The following PCDHA7 variants were observed in gnomAD, a reference collection of about 807,000 sequenced individuals.
PCDHA7 encodes protocadherin alpha-7.
In PCDHA7, 37 loss-of-function variants were observed where a neutral mutation model predicts 57.2. The observed-to-expected ratio is 0.65, with a 90% CI of 0.50 to 0.85. The LOEUF is 0.85. PCDHA7 is among the 40% of genes least tolerant of loss of function. The probability of loss-of-function intolerance (pLI) is 0.00; values close to 1 mark genes in which losing one functional copy is unlikely to be tolerated. For synonymous variants in PCDHA7, 553 were observed against 558.8 expected (o/e 0.99, Z 0.15); for missense variants, 1,188 against 1,241.8 (o/e 0.96, Z 0.65).
At chr5:140,895,829 C>T (rs2065183021) in intron 1 of PCDHA7, among the ~76,000 whole-genome samples, 1 of 151,878 alleles carries the variant, frequency 6.6e-6, no homozygotes, top group African/African-American at 2.4e-5. Context: ...GTATTTTTTT[C>T]AGACAAAGTC....
rs2150468826 is a variant in PCDHA7, at chr5:140,850,123, C to G, written c.2355+13385C>G. ...GTGAGCGCGCGCGACGCGGGCGTGCCGCCTCTGGGCAGCAACGTGACGCTG... is the reference window on the plus strand; with the variant it reads ...GTGAGCGCGCGCGACGCGGGCGTGCGGCCTCTGGGCAGCAACGTGACGCTG... On this transcript the variant is annotated intron_variant, in intron 1 of 3. Coordinates refer to ENST00000525929, the MANE Select transcript of PCDHA7 (RefSeq NM_018910.3). The G allele has an allele frequency of 1.3e-5, 21 of 1,595,804 alleles. 4 individuals carry two copies. The highest frequency in any genetic ancestry group is 2.7e-5 in the African/African-American group (2 of 74,358).
rs2150334321 is a variant in PCDHA7, at chr5:140,842,332, A to G, written c.2355+5594A>G. ...CCATGGCGGGTCATTGCACCGTTTT[A>G]GTGAGAATTTTGGATAAAAATGATA... On this transcript the variant is annotated intron_variant, in intron 1 of 3. Transcript: ENST00000525929. 1.7e-5 allele frequency: 28 copies of G among 1,607,160 alleles called. No homozygotes were observed. In the East Asian group the frequency reaches 4.0e-4, roughly 23 times the overall value.
intron 2 of PCDHA7, among the ~76,000 whole-genome samples, chr5:140,980,159 A>G (rs2153821002): frequency 6.6e-6 from 1 of 152,326 alleles, no homozygotes; most frequent in Admixed American, 6.5e-5. Context: ...ATACCAGAAT[A>G]TTAGGTATCA....
At chr5:140,931,390 G>A (rs1296292494) in intron 1 of PCDHA7, among the ~76,000 whole-genome samples, 1 of 152,038 alleles carries the variant, frequency 6.6e-6, no homozygotes, top group Non-Finnish European at 1.5e-5. Flanking sequence ...GGAAACATAA[G>A]TAAGCGATAG....
Position 140,834,304 on chromosome 5 carries a change from A to C in PCDHA7, c.-80A>C. 7.6e-7 allele frequency: 1 copy of C among 1,322,818 alleles called. No homozygotes were observed. Among genetic ancestry groups the C allele is most frequent in the Non-Finnish European group, 1.0e-6 (1 of 955,796 alleles). 81.9% of individuals were successfully genotyped at this position (1,322,818 alleles called of 1,614,324 possible). On this transcript the variant is annotated 5_prime_UTR_variant, in exon 1 of 4. Transcript: ENST00000525929. ...TGCACAACAATGGCCACACATCGAG[A>C]TTGAAATGAAGGGATAAAAACATTC...
intron 1 of PCDHA7, among the ~76,000 whole-genome samples, chr5:140,960,125 G>A (rs2153724181): frequency 6.6e-6 from 1 of 152,336 alleles, no homozygotes; most frequent in East Asian, 1.9e-4. Context: ...TATTCCTTAT[G>A]AAATACTTAG....
chr5:140,950,526 T>C (rs190195358), intron 1 of PCDHA7, among the ~76,000 whole-genome samples: 17 of 152,212 alleles, frequency 1.1e-4, no homozygotes, highest in Admixed American at 9.2e-4. Flanking sequence ...GATATGATTG[T>C]TTTTGTTGCT....
chr5:140,982,089 C>A (rs2096965506), intron 2 of PCDHA7, among the ~76,000 whole-genome samples: 1 of 152,220 alleles, frequency 6.6e-6, no homozygotes, highest in Non-Finnish European at 1.5e-5. Context: ...AACCTAGGAA[C>A]AAGAGAACCT....
At chr5:140,931,440 AT>A (rs2153608083) in intron 1 of PCDHA7, among the ~76,000 whole-genome samples, 1 of 141,482 alleles carries the variant, frequency 7.1e-6, no homozygotes, top group South Asian at 2.3e-4. Flanking sequence ...AAAATTAGCT[AT>A]TTAAAAGGAA....
intron 3 of PCDHA7, among the ~76,000 whole-genome samples, chr5:140,997,400 G>A (rs1554255862): frequency 3.3e-5 from 5 of 152,056 alleles, no homozygotes; most frequent in Admixed American, 1.3e-4. Context: ...AGGCTCTATC[G>A]TATGGCCTAT....
intron 3 of PCDHA7, among the ~76,000 whole-genome samples, chr5:141,003,251 C>T (rs1240561091): frequency 6.6e-6 from 1 of 152,176 alleles, no homozygotes; most frequent in Admixed American, 6.5e-5. Flanking sequence ...AAAAAGATTC[C>T]TGGGCAGTGC....
chr5:141,010,470 G>A lies in PCDHA7; in HGVS notation c.*533G>A. ...ACAGCGGAAGTTATCAGTATGGAGG[G>A]GAAGTGTAAACTTAAAGGGACCAGA... On this transcript the variant is annotated 3_prime_UTR_variant, in exon 4 of 4. Transcript: ENST00000525929. The A allele has an allele frequency of 2.6e-6, 2 of 780,290 alleles. No homozygotes were observed. The highest frequency in any genetic ancestry group is 3.0e-5 in the East Asian group (1 of 33,872). 48.3% of individuals were successfully genotyped at this position (780,290 alleles called of 1,614,324 possible).
At chr5:140,968,621 T>C (rs782017664) in intron 1 of PCDHA7, 11 of 1,614,190 alleles carry the variant, frequency 6.8e-6, no homozygotes, top group Non-Finnish European at 8.5e-6. Context: ...GCAAAATGCT[T>C]GGCTTTTTTA....
At chr5:140,842,950 G>A (rs2150348605) in intron 1 of PCDHA7, 1 of 1,594,728 alleles carries the variant, frequency 6.3e-7, no homozygotes, top group East Asian at 2.2e-5. Context: ...CGGGCGTGCC[G>A]CCTCTGGGCA....
intron 1 of PCDHA7, chr5:140,871,257 G>T (rs374337862): frequency 6.8e-6 from 11 of 1,613,808 alleles, no homozygotes; most frequent in Admixed American, 1.7e-5. Flanking sequence ...TGCTGTATAC[G>T]GCGCTGTGGT....
intron 1 of PCDHA7, chr5:140,857,549 C>G (rs1554150197): frequency 6.3e-7 from 1 of 1,596,826 alleles, no homozygotes; most frequent in Admixed American, 1.7e-5. Flanking sequence ...GTTGGGCGAG[C>G]GCTCGCTGTC....
intron 1 of PCDHA7, among the ~76,000 whole-genome samples, chr5:140,914,503 T>C (rs2879076): frequency 0.12 from 17,707 of 152,222 alleles, 1,150 homozygotes; most frequent in Middle Eastern, 0.19. Context: ...CAACAGATCA[T>C]TGGGTCATGT....
intron 1 of PCDHA7, chr5:140,842,295 A>T (rs2150333615): frequency 2.5e-6 from 4 of 1,610,380 alleles, no homozygotes; most frequent in Non-Finnish European, 3.4e-6. Flanking sequence ...GCCACGGACA[A>T]AGGCCATCCT....
At chr5:140,965,400 G>A (rs782574003) in intron 1 of PCDHA7, among the ~76,000 whole-genome samples, 1 of 152,154 alleles carries the variant, frequency 6.6e-6, no homozygotes, top group Non-Finnish European at 1.5e-5. Context: ...GAAGTCTAAG[G>A]AGTCTTATAT....
Sources: gnomAD v4.1 joint callset for allele counts (sites outside exome capture counted in the v4.1 genomes callset) on GRCh38, gnomAD v4.1.1 for gene constraint, MANE v1.5 for transcripts, NCBI Gene and HGNC (gene_info 2026-07-23, HGNC 2026-07-21) for gene names.